Variants in LAMA1 observed in about 807,000 individuals in gnomAD.
The protein encoded by LAMA1 is laminin subunit alpha-1.
Under a neutral mutation model 348.7 loss-of-function variants are expected in LAMA1, and 219 were observed. The observed-to-expected ratio is 0.63, with a 90% CI of 0.56 to 0.70. The LOEUF (loss-of-function observed/expected upper bound fraction) is 0.70. LAMA1 is among the 30% of genes least tolerant of loss of function. The pLI is 0.00. For synonymous variants in LAMA1, 1,487 were observed against 1,491.0 expected (o/e 1.00, Z 0.06); for missense variants, 3,744 against 3,888.0 (o/e 0.96, Z 0.99).
intron 30 of LAMA1, among the ~76,000 whole-genome samples, chr18:7,001,549 T>TAAAAAAC (rs2057807807): frequency 6.6e-6 from 1 of 152,148 alleles, no homozygotes; most frequent in East Asian, 1.9e-4. Context: ...CAGGCATCAT[T>TAAAAAAC]TACTTGGAGG....
rs1465025955 is a variant in LAMA1 at position 6,964,606 on chromosome 18, T to C, written c.7337+56A>G. ...TTGTGATACAGTCCATTCTCAGCCCTAGCAAGCTAATAAAGTTGGAAATCA... is the reference window on the plus strand; with the variant it reads ...TTGTGATACAGTCCATTCTCAGCCCCAGCAAGCTAATAAAGTTGGAAATCA... On this transcript the variant is annotated intron_variant, in intron 51 of 62. Transcript: ENST00000389658. The C allele has an allele frequency of 2.5e-6, 4 of 1,600,588 alleles. No individual in the cohort carries two copies. In the South Asian group the frequency reaches 4.4e-5, roughly 18 times the overall value.
At chr18:6,986,101 G>C (rs1568019201) in intron 37 of LAMA1, 36 bp downstream of exon 37, 2 of 1,608,642 alleles carry the variant, frequency 1.2e-6, no homozygotes, top group Non-Finnish European at 1.7e-6. Context: ...TTTGTTACCT[G>C]TTCTAATTGA....
At position 7,037,181 on chromosome 18, in the gene LAMA1, G is replaced by A. The variant is rs537779289; in HGVS notation, c.1737+397C>T. ...CAGTCCCATTGCTGGAACCTTCCCT[G>A]GGTTGTTTCTTGTATGCCAGGCCCT... On this transcript the variant is annotated intron_variant, in intron 12 of 62. Transcript: ENST00000389658. Among the ~76,000 whole-genome samples the A allele has an allele frequency of 3.3e-5, 5 of 152,322 alleles. 1 individual carries two copies. The highest frequency in any genetic ancestry group is 4.1e-4 in the South Asian group (2 of 4,828).
chr18:7,079,284 C>G (rs1300214023), intron 3 of LAMA1: 1 of 152,624 alleles, frequency 6.6e-6, no homozygotes. Context: ...CTTTTTCATT[C>G]CTTCCACTCA....
chr18:7,046,230 CA>C (rs751764884), intron 6 of LAMA1, 47 bp downstream of exon 6: 2 of 1,198,604 alleles, frequency 1.7e-6, no homozygotes, highest in South Asian at 2.5e-5. Flanking sequence ...ATTATAGCTA[CA>C]ATTTCTGTTT....
In LAMA1 at chr18:6,965,328, T is replaced by C. The variant is rs757235996; in HGVS notation, c.7155A>G (p.Gly2385=). The C allele has an allele frequency of 4.3e-6, 7 of 1,614,200 alleles. No homozygotes were observed. The South Asian group carries it at 6.6e-5, about 15-fold the overall frequency. ...TLLTDRRYNN[G]TWYKIAFQRN... is the part of the protein sequence containing the mutation. ...GCTGGAAGGCAATTTTGTACCAGGT[T>C]CCATTGTTATAACGTCTGTCTGTCA... is the stretch of plus-strand genomic sequence containing the variant. Residue 2385 remains glycine (G), a synonymous_variant, in exon 50 of 63, where the codon GGA becomes GGG. Transcript: ENST00000389658.
chr18:7,007,976 A>G (rs1373111730), intron 28 of LAMA1, among the ~76,000 whole-genome samples: 1 of 151,796 alleles, frequency 6.6e-6, no homozygotes, highest in African/African-American at 2.4e-5. Context: ...TCTGTCACTC[A>G]GGCTGGAGTG....
intron 3 of LAMA1, among the ~76,000 whole-genome samples, chr18:7,066,442 T>C (rs184426733): frequency 3.3e-5 from 5 of 152,330 alleles, no homozygotes; most frequent in South Asian, 2.1e-4. Flanking sequence ...CGGTTCTTTC[T>C]CTTTGGTTAG....
chr18:7,100,038 A>G (rs112654017), intron 1 of LAMA1, among the ~76,000 whole-genome samples: 34,207 of 139,876 alleles, frequency 0.24, 4,554 homozygotes, highest in South Asian at 0.32. Flanking sequence ...CAGCCTGGGC[A>G]ACAGAGCCAG....
At position 7,070,168 on chromosome 18, in the gene LAMA1, G is replaced by A. The variant is rs573534929; in HGVS notation, c.345+9807C>T. 2.2e-4 allele frequency among the ~76,000 whole-genome samples: 33 copies of A among 152,284 alleles called. No individual in the cohort carries two copies. The East Asian group carries it at 6.0e-3, about 28-fold the overall frequency. On this transcript the variant is annotated intron_variant, in intron 3 of 62. Coordinates refer to ENST00000389658, the MANE Select transcript of LAMA1 (RefSeq NM_005559.4). ...TTCCAAATCATAATGATGAGCTTAAGATTTCTTCCAATCTATTTATTTTAC... is the reference window on the plus strand; with the variant it reads ...TTCCAAATCATAATGATGAGCTTAAAATTTCTTCCAATCTATTTATTTTAC...
intron 5 of LAMA1, among the ~76,000 whole-genome samples, chr18:7,046,611 T>A (rs1326145571): frequency 6.6e-6 from 1 of 152,198 alleles, no homozygotes; most frequent in Non-Finnish European, 1.5e-5. Flanking sequence ...CAACTGCATC[T>A]TAAACCAAGT....
chr18:7,024,507 G>A, intron 17 of LAMA1, 41 bp from the exon 18 acceptor site: 1 of 1,486,530 alleles, frequency 6.7e-7, no homozygotes, highest in Non-Finnish European at 9.4e-7. Flanking sequence ...TCCAATGGAT[G>A]AAGCCGAATT....
Position 6,983,112 on chromosome 18 carries a change from G to C in LAMA1, c.5783C>G (p.Thr1928Ser), listed in dbSNP as rs1427310443. Reference protein sequence around the residue: ...ELARDAHRTVTETSLLSESLV... With the variant: ...ELARDAHRTVSETSLLSESLV... Reference sequence around the variant, plus strand: ...GTCGTTTCCTACCAGGCTCGTCTCAGTCACAGTCCTGTGAGCATCTCTGGC... The same window carrying C: ...GTCGTTTCCTACCAGGCTCGTCTCACTCACAGTCCTGTGAGCATCTCTGGC... Residue 1928 changes from threonine to serine, a missense_variant, in exon 40 of 63, where the codon ACT becomes AGT. This residue lies in a region of LAMA1 where 1,983 missense variants were observed against 1,934.3 expected (regional missense o/e 1.03). Transcript: ENST00000389658. The C allele has an allele frequency of 3.1e-6, 5 of 1,614,130 alleles. No individual in the cohort carries two copies. The South Asian group carries it at 4.4e-5, about 14-fold the overall frequency.
At chr18:7,060,127 T>A (rs1426366512) in intron 3 of LAMA1, among the ~76,000 whole-genome samples, 1 of 152,154 alleles carries the variant, frequency 6.6e-6, no homozygotes, top group Non-Finnish European at 1.5e-5. Context: ...TAGCAAAAAC[T>A]GAGATGCTAG....
chr18:7,042,443 G>A, intron 8 of LAMA1, 193 bp from the exon 9 acceptor site: 1 of 573,302 alleles, frequency 1.7e-6, no homozygotes, highest in Non-Finnish European at 3.2e-6. Flanking sequence ...TTTTGATGGT[G>A]GCAGTAGTTA....
chr18:7,022,695 G>A lies in LAMA1; in HGVS notation c.2701+469C>T, dbSNP rs73392501. On this transcript the variant is annotated intron_variant, in intron 19 of 62. Coordinates refer to ENST00000389658, the MANE Select transcript of LAMA1 (RefSeq NM_005559.4). ...AATTCAGCAGAGTGCCATAGGGGTC[G>A]GGCAGTTCTGGCACAGAGGGCTAAG... Among the ~76,000 whole-genome samples the A allele has an allele frequency of 5.1e-3, 777 of 152,246 alleles. 9 individuals carry two copies. Among genetic ancestry groups the A allele is most frequent in the African/African-American group, 0.018 (728 of 41,552 alleles).
Position 7,041,504 on chromosome 18 carries a change from C to T in LAMA1, c.1261+641G>A, listed in dbSNP as rs1260933626. Among the ~76,000 whole-genome samples, 3 of 152,212 alleles carry T rather than the reference C, an allele frequency of 2.0e-5. No individual in the cohort carries two copies. The East Asian group carries it at 5.8e-4, about 29-fold the overall frequency. On this transcript the variant is annotated intron_variant, in intron 9 of 62. Transcript: ENST00000389658. ...CCCTACTGGTCGATATCCATTTTAACTGCCAGTGGCTGAGAACTTGATGGG... is the reference window on the plus strand; with the variant it reads ...CCCTACTGGTCGATATCCATTTTAATTGCCAGTGGCTGAGAACTTGATGGG...
At chr18:7,003,685 G>A (rs1347743735) in intron 29 of LAMA1, among the ~76,000 whole-genome samples, 1 of 152,190 alleles carries the variant, frequency 6.6e-6, no homozygotes, top group East Asian at 1.9e-4. Context: ...CATGTCTGAT[G>A]CAGCTGAATA....
rs192822268 is a variant in LAMA1, at chr18:7,095,512, C to T, written c.62-15055G>A. 2.0e-4 allele frequency among the ~76,000 whole-genome samples: 31 copies of T among 152,310 alleles called. No individual in the cohort carries two copies. The East Asian group carries it at 4.8e-3, about 24-fold the overall frequency. On this transcript the variant is annotated intron_variant, in intron 1 of 62. Transcript: ENST00000389658. ...GGAGCCCTCCCCTTCCTGTCTCCAG[C>T]CCCCAGGCTCCAGCTCTGAAGAAGG...
Sources: gnomAD v4.1 joint callset for allele counts (sites outside exome capture counted in the v4.1 genomes callset) on GRCh38, gnomAD v4.1.1 for gene constraint, gnomAD v4.1.1 regional missense constraint, MANE v1.5 for transcripts, NCBI Gene and HGNC (gene_info 2026-07-23, HGNC 2026-07-21) for gene names.